The following SUGP2 variants were observed in gnomAD, a reference collection of about 807,000 sequenced individuals.
SUGP2 encodes the protein SURP and G-patch domain containing 2.
Under a neutral mutation model 90.5 loss-of-function variants are expected in SUGP2, and 24 were observed. That is an observed-to-expected ratio of 0.27 (90% confidence interval 0.19 to 0.37). The LOEUF is 0.37. SUGP2 is among the 10% of genes least tolerant of loss of function. The pLI is 1.00. For missense variants in SUGP2, 1,233 were observed against 1,363.3 expected (o/e 0.90, Z 1.51); for synonymous variants, 473 against 513.4 (o/e 0.92, Z 1.06).
chr19:19,027,067 C>G (rs1358355688), intron 2 of SUGP2, among the ~76,000 whole-genome samples: 3 of 152,042 alleles, frequency 2.0e-5, no homozygotes, highest in Admixed American at 1.3e-4. Flanking sequence ...ATCACTTGAG[C>G]CCAGGAGTTT....
Position 19,010,353 on chromosome 19 carries a change from A to G in SUGP2, c.1851-11T>C, listed in dbSNP as rs143683059. On this transcript the variant is annotated splice_polypyrimidine_tract_variant and intron_variant, in intron 4 of 10. Transcript: ENST00000452918. ...TCATCAGACAAAAACCTAGATAACAAAACAAGCATAACGGGACATTTATGA... is the reference window on the plus strand; with the variant it reads ...TCATCAGACAAAAACCTAGATAACAGAACAAGCATAACGGGACATTTATGA... 73 of 1,603,968 alleles carry G rather than the reference A, an allele frequency of 4.6e-5. No homozygotes were observed. Among genetic ancestry groups the G allele is most frequent in the Non-Finnish European group, 5.4e-5 (63 of 1,176,868 alleles).
rs1036164704 is a variant in SUGP2 at position 18,994,999 on chromosome 19, T to C, written c.3128+145A>G. ...CACCTGCACATGTAAATGATCAGCT[T>C]CTCATCTGAAGATGCCTTCTGTTTA... On this transcript the variant is annotated intron_variant, in intron 9 of 10. Transcript: ENST00000452918. 7.5e-6 allele frequency: 7 copies of C among 928,922 alleles called. No individual in the cohort carries two copies. In the African/African-American group the frequency reaches 1.1e-4, roughly 15 times the overall value. 57.5% of individuals were successfully genotyped at this position (928,922 alleles called of 1,614,324 possible). A position where few individuals can be genotyped will look rare whatever the true frequency, so the allele number is the denominator to read the frequency against.
chr19:19,005,430 T>C (rs550304287), intron 6 of SUGP2, among the ~76,000 whole-genome samples: 1 of 151,900 alleles, frequency 6.6e-6, no homozygotes, highest in Non-Finnish European at 1.5e-5. Context: ...TAAAGAAAAA[T>C]AATATGTAAG....
At position 19,005,878 on chromosome 19, in the gene SUGP2, CACACACACACACACCA is replaced by C. The variant is rs1568401038; in HGVS notation, c.2451-1248_2451-1233del. 5.6e-5 allele frequency among the ~76,000 whole-genome samples: 6 copies of C among 107,948 alleles called. No individual in the cohort carries two copies. The South Asian group carries it at 8.6e-4, about 15-fold the overall frequency. 70.8% of individuals were successfully genotyped at this position (107,948 alleles called of 152,430 possible). ...ACACACACACACACACACACACACA[CACACACACACACACCA>C]CACACACACACCACACACACATACA... On this transcript the variant is annotated intron_variant, in intron 6 of 10. Coordinates refer to ENST00000452918, the MANE Select transcript of SUGP2 (RefSeq NM_001017392.5).
intron 6 of SUGP2, among the ~76,000 whole-genome samples, chr19:19,007,752 A>G (rs2013585): frequency 0.9 from 127,930 of 141,736 alleles, 57,920 homozygotes; most frequent in African/African-American, 0.97. Flanking sequence ...CATTGCACCT[A>G]GCCTTTTTTT....
At chr19:19,007,777 G>A (rs75495222) in intron 6 of SUGP2, among the ~76,000 whole-genome samples, 1 of 36,850 alleles carries the variant, frequency 2.7e-5, no homozygotes, top group Non-Finnish European at 5.4e-5. Context: ...TTTTTTTTTT[G>A]GAGATGAAGT....
rs1236427509 is a variant in SUGP2, at chr19:19,033,513, G to A, written c.-88C>T. 7.1e-7 allele frequency: 1 copy of A among 1,404,732 alleles called. No homozygotes were observed. The highest frequency in any genetic ancestry group is 9.3e-7 in the Non-Finnish European group (1 of 1,078,528). 87.0% of individuals were successfully genotyped at this position (1,404,732 alleles called of 1,614,324 possible). On this transcript the variant is annotated 5_prime_UTR_variant, in exon 1 of 11. Transcript: ENST00000452918. ...CCCGCCGCCGCCGCCGCGCGAGGCG[G>A]GGACATGCAAATGAACCAACGGTCT...
intron 3 of SUGP2, 32 bp downstream of exon 3, chr19:19,024,587 C>A: frequency 6.4e-7 from 1 of 1,564,520 alleles, no homozygotes; most frequent in Non-Finnish European, 8.6e-7. Context: ...ACACGAAAAA[C>A]AACAAATAGA....
rs937129709 is a variant in SUGP2, at chr19:19,024,941, T to C, written c.1407A>G (p.Leu469=). 3 of 1,614,088 alleles carry C rather than the reference T, an allele frequency of 1.9e-6. No individual in the cohort carries two copies. The highest frequency in any genetic ancestry group is 1.3e-5 in the African/African-American group (1 of 74,932). The part of the protein sequence containing the change: ...LSNPLDLALA[L]ETTNSLCRKS... ...TCCGGCAGAGAGAGTTGGTGGTTTC[T>C]AGGGCAAGAGCCAAGTCCAGGGGGT... is the stretch of plus-strand genomic sequence containing the variant. Residue 469 remains leucine, a synonymous_variant, in exon 3 of 11, where the codon CTA becomes CTG. Coordinates refer to ENST00000452918, the MANE Select transcript of SUGP2 (RefSeq NM_001017392.5).
At chr19:19,008,296 G>A (rs2058166485) in intron 6 of SUGP2, 21 bp downstream of exon 6, 3 of 1,573,806 alleles carry the variant, frequency 1.9e-6, no homozygotes, top group Non-Finnish European at 2.6e-6. Flanking sequence ...AAGGTGTGAT[G>A]AGACCCGGGG....
In SUGP2 at chr19:19,008,305, G is replaced by A. The variant is rs190164285; in HGVS notation, c.2450+12C>T. ...AAGAAAAAGGTGTGATGAGACCCGG[G>A]GGGGTACGTACCACAGGTCAGGGTT... On this transcript the variant is annotated intron_variant, in intron 6 of 10. Transcript: ENST00000452918. The A allele has an allele frequency of 4.9e-4, 780 of 1,600,566 alleles. 1 individual carries two copies. Among genetic ancestry groups the A allele is most frequent in the Middle Eastern group, 1.8e-3 (11 of 6,042 alleles).
At position 19,026,509 on chromosome 19, in the gene SUGP2, G is replaced by A. The variant is rs548587121; in HGVS notation, c.122-283C>T. On this transcript the variant is annotated intron_variant, in intron 2 of 10. Transcript: ENST00000452918. ...CAGGCTGGGCAGTAGCAGCCTGACGGGCAAGACACAGACTCTCTAAGTTGG... is the reference window on the plus strand; with the variant it reads ...CAGGCTGGGCAGTAGCAGCCTGACGAGCAAGACACAGACTCTCTAAGTTGG... 7.2e-5 allele frequency among the ~76,000 whole-genome samples: 11 copies of A among 152,272 alleles called. No homozygotes were observed. The East Asian group carries it at 2.1e-3, about 29-fold the overall frequency.
At chr19:18,994,899 CA>C (rs1435866647) in intron 9 of SUGP2, 1 of 591,394 alleles carries the variant, frequency 1.7e-6, no homozygotes, top group African/African-American at 1.9e-5. Context: ...ATGATGGTCA[CA>C]AATGTGGCCA....
chr19:19,024,691 G>C lies in SUGP2; in HGVS notation c.1657C>G (p.Arg553Gly), dbSNP rs528366024. Residue 553 changes from arginine (R) to glycine (G), a missense_variant, in exon 3 of 11, where the codon CGA (arginine) becomes GGA (glycine). Physicochemically the swap from Arg to Gly is moderately radical, Grantham distance 125 (BLOSUM62 -2). This residue lies in a region of SUGP2 where 540 missense variants were observed against 542.6 expected (regional missense o/e 1.00). Coordinates refer to ENST00000452918, the MANE Select transcript of SUGP2 (RefSeq NM_001017392.5). ...GGAGGAATCATTTTCTCCTCCTCTCGCATCGGCTCTGGTTCGGCTTTCTTA... is the reference window on the plus strand; with the variant it reads ...GGAGGAATCATTTTCTCCTCCTCTCCCATCGGCTCTGGTTCGGCTTTCTTA... ...QVKKAEPEPM[R>G]EEEKMIPPTK... is the part of the protein sequence containing the mutation. 72 of 1,614,140 alleles carry C rather than the reference G, an allele frequency of 4.5e-5. No individual in the cohort carries two copies. In the South Asian group the frequency reaches 7.4e-4, roughly 16 times the overall value.
intron 4 of SUGP2, 93 bp from the exon 5 acceptor site, chr19:19,010,435 A>G: frequency 6.7e-7 from 1 of 1,496,136 alleles, no homozygotes; most frequent in Non-Finnish European, 9.0e-7. Context: ...TAAGTGGCCA[A>G]CTCCTCACTG....
intron 6 of SUGP2, among the ~76,000 whole-genome samples, chr19:19,005,174 G>T (rs1459587358): frequency 2.0e-5 from 3 of 152,182 alleles, no homozygotes; most frequent in Non-Finnish European, 1.5e-5. Flanking sequence ...TGGGCGTGGA[G>T]ATGAGGCCTC....
chr19:19,033,604 C>A, upstream of SUGP2: 1 of 1,181,044 alleles, frequency 8.5e-7, no homozygotes, highest in Non-Finnish European at 1.0e-6. Flanking sequence ...CGGGCCGCCG[C>A]GGCCCGGCTC....
chr19:18,996,788 T>A (rs2145257558), intron 8 of SUGP2, among the ~76,000 whole-genome samples: 1 of 152,320 alleles, frequency 6.6e-6, no homozygotes, highest in East Asian at 1.9e-4. Context: ...ACTCCTGACC[T>A]CAGCTGATCT....
At chr19:18,996,157 G>A (rs1177454160) in intron 8 of SUGP2, among the ~76,000 whole-genome samples, 2 of 152,192 alleles carry the variant, frequency 1.3e-5, no homozygotes, top group African/African-American at 2.4e-5. Context: ...AGCAGTTTGG[G>A]AGGCCGAGGT....
Sources: gnomAD v4.1 joint callset for allele counts (sites outside exome capture counted in the v4.1 genomes callset) on GRCh38, gnomAD v4.1.1 for gene constraint, gnomAD v4.1.1 regional missense constraint, MANE v1.5 for transcripts, NCBI Gene and HGNC (gene_info 2026-07-23, HGNC 2026-07-21) for gene names.